PLA2G4C: variants seen among roughly 807,000 people sequenced by gnomAD.
PLA2G4C encodes cytosolic phospholipase A2 gamma.
PLA2G4C carries 64 observed loss-of-function variants against 73.8 expected under a neutral mutation model. The ratio of observed to expected loss-of-function variants is 0.87; its 90% CI spans 0.71 to 1.07. The LOEUF (loss-of-function observed/expected upper bound fraction) is 1.07. Ranked by LOEUF, PLA2G4C falls within the 50% of genes least tolerant of loss-of-function variation. The pLI is 0.00. For missense variants in PLA2G4C, 622 were observed against 665.4 expected (o/e 0.93, Z 0.72); for synonymous variants, 254 against 252.1 (o/e 1.01, Z -0.07).
At position 48,104,725 on chromosome 19, in the gene PLA2G4C, C is replaced by T. The variant is rs779079659; in HGVS notation, c.121-1G>A. ...AGCCCAGCACAGCAACAACTGGGGCCTAGGCATTGGGGAGAAAATCGATCA... is the reference window on the plus strand; with the variant it reads ...AGCCCAGCACAGCAACAACTGGGGCTTAGGCATTGGGGAGAAAATCGATCA... On this transcript the variant is annotated splice_acceptor_variant, in intron 3 of 16. Transcript: ENST00000599921. LOFTEE classifies it high-confidence loss of function. 8.7e-6 allele frequency: 14 copies of T among 1,613,794 alleles called. No individual in the cohort carries two copies. The highest frequency in any genetic ancestry group is 1.3e-5 in the African/African-American group (1 of 74,888).
intron 14 of PLA2G4C, among the ~76,000 whole-genome samples, chr19:48,060,634 C>T (rs1464494856): frequency 6.6e-6 from 1 of 152,120 alleles, no homozygotes; most frequent in Non-Finnish European, 1.5e-5. Flanking sequence ...CGCTCGGGGT[C>T]ATGCAGCAGA....
At chr19:48,107,452 A>G (rs1393195562) in intron 1 of PLA2G4C, among the ~76,000 whole-genome samples, 1 of 149,692 alleles carries the variant, frequency 6.7e-6, no homozygotes, top group Non-Finnish European at 1.5e-5. Context: ...TGAGGTCAAG[A>G]GTGACCAGAA....
intron 11 of PLA2G4C, among the ~76,000 whole-genome samples, chr19:48,077,113 G>A (rs1379581762): frequency 6.6e-6 from 1 of 152,140 alleles, no homozygotes; most frequent in African/African-American, 2.4e-5. Context: ...GCCTCAGGCT[G>A]TTCCCATTTT....
chr19:48,070,085 T>C (rs1251468557), intron 12 of PLA2G4C, among the ~76,000 whole-genome samples: 1 of 152,156 alleles, frequency 6.6e-6, no homozygotes, highest in Non-Finnish European at 1.5e-5. Flanking sequence ...GCAAGTTACT[T>C]AACATCTCTG....
chr19:48,073,200 C>T (rs961253747), intron 12 of PLA2G4C: 3 of 152,494 alleles, frequency 2.0e-5, no homozygotes, highest in Non-Finnish European at 4.4e-5. Context: ...AACGCACTAC[C>T]ATGTCCAGCT....
chr19:48,087,276 C>T (rs2031033989), intron 9 of PLA2G4C, among the ~76,000 whole-genome samples: 1 of 152,242 alleles, frequency 6.6e-6, no homozygotes, highest in Admixed American at 6.5e-5. Flanking sequence ...AACCATCAGA[C>T]AGCCCTGGTG....
At chr19:48,054,261 G>A (rs996258221) in intron 15 of PLA2G4C, among the ~76,000 whole-genome samples, 3 of 152,130 alleles carry the variant, frequency 2.0e-5, no homozygotes, top group Non-Finnish European at 4.4e-5. Flanking sequence ...CCCTCATGCT[G>A]TTCTCGTGAC....
At chr19:48,064,749 G>C (rs775960978) in intron 13 of PLA2G4C, 2 of 152,104 alleles carry the variant, frequency 1.3e-5, no homozygotes, top group African/African-American at 2.4e-5. Flanking sequence ...CATTCCAATA[G>C]AATGACTAGT....
Position 48,110,554 on chromosome 19 carries a change from C to G in PLA2G4C, c.-100G>C, listed in dbSNP as rs556839787. 2.0e-6 allele frequency: 3 copies of G among 1,489,874 alleles called. No individual in the cohort carries two copies. The South Asian group carries it at 3.7e-5, about 19-fold the overall frequency. The allele number at this position is 1,489,874 out of a possible 1,614,324, so 92.3% of individuals were successfully genotyped here. On this transcript the variant is annotated 5_prime_UTR_variant, in exon 1 of 17. Transcript: ENST00000599921. ...TGTGCTCCGGAATCCGGTGCGGAGG[C>G]TTGGGCTCCCTGCGCTTAGCGGTGT...
At chr19:48,049,901 C>T (rs372246563) in intron 16 of PLA2G4C, among the ~76,000 whole-genome samples, 3 of 152,122 alleles carry the variant, frequency 2.0e-5, no homozygotes, top group African/African-American at 7.2e-5. Context: ...CAATAAGTGT[C>T]GGTTGTTTAA....
intron 15 of PLA2G4C, among the ~76,000 whole-genome samples, chr19:48,053,848 G>A (rs1967823954): frequency 1.3e-5 from 2 of 152,166 alleles, no homozygotes; most frequent in Admixed American, 1.3e-4. Flanking sequence ...GCCCACTGTG[G>A]GAAGTGGCAC....
At chr19:48,092,669 C>T (rs1257633754) in intron 7 of PLA2G4C, among the ~76,000 whole-genome samples, 1 of 152,166 alleles carries the variant, frequency 6.6e-6, no homozygotes, top group Non-Finnish European at 1.5e-5. Flanking sequence ...AAGACAAGCA[C>T]TGCATGATTC....
At chr19:48,075,168 T>TTATA (rs2030058441) in intron 11 of PLA2G4C, among the ~76,000 whole-genome samples, 1 of 149,298 alleles carries the variant, frequency 6.7e-6, no homozygotes, top group African/African-American at 2.5e-5. Context: ...ATTTATTTAT[T>TTATA]TATTTATTTA....
At chr19:48,094,780 T>G (rs897947794) in intron 7 of PLA2G4C, among the ~76,000 whole-genome samples, 1 of 152,242 alleles carries the variant, frequency 6.6e-6, no homozygotes, top group African/African-American at 2.4e-5. Context: ...GTTTTGTTTT[T>G]GGTTTTTGTT....
intron 7 of PLA2G4C, among the ~76,000 whole-genome samples, chr19:48,093,747 A>C (rs970774365): frequency 2.6e-5 from 4 of 152,018 alleles, no homozygotes; most frequent in African/African-American, 7.2e-5. Context: ...TCCCCACCCA[A>C]ATCTCTCGAG....
At chr19:48,093,318 T>C (rs2031405076) in intron 7 of PLA2G4C, among the ~76,000 whole-genome samples, 1 of 152,130 alleles carries the variant, frequency 6.6e-6, no homozygotes, top group Non-Finnish European at 1.5e-5. Flanking sequence ...TCTTCATCCA[T>C]CTCCAGGTTT....
intron 4 of PLA2G4C, chr19:48,104,298 T>TG (rs1168562695): frequency 3.1e-6 from 1 of 326,976 alleles, no homozygotes; most frequent in African/African-American, 2.2e-5. Context: ...GCGGAAGCTG[T>TG]GGGAAACCCC....
chr19:48,105,928 TCCCTCCC>T lies in PLA2G4C; in HGVS notation c.9-491_9-485del, dbSNP rs1568457489. Among the ~76,000 whole-genome samples the T allele has an allele frequency of 2.2e-3, 59 of 26,272 alleles. 7 individuals are homozygous for T. The highest frequency in any genetic ancestry group is 4.4e-3 in the African/African-American group (16 of 3,638). 17.2% of individuals were successfully genotyped at this position (26,272 alleles called of 152,430 possible). Reference sequence around the variant, plus strand: ...CTCCCTCCCTCCCTCCCTCCCTCCCTCCCTCCCTCCCTCCCTCCCTTCTTTCTTTCTT... The same window carrying T: ...CTCCCTCCCTCCCTCCCTCCCTCCCTTCCCTCCCTCCCTTCTTTCTTTCTT... On this transcript the variant is annotated intron_variant, in intron 2 of 16. Coordinates refer to ENST00000599921, the MANE Select transcript of PLA2G4C (RefSeq NM_003706.3).
chr19:48,090,302 CT>C, intron 8 of PLA2G4C, 61 bp downstream of exon 8: 3 of 1,155,900 alleles, frequency 2.6e-6, no homozygotes, highest in Non-Finnish European at 3.9e-6. Flanking sequence ...AGGAAAAGTA[CT>C]GTGAATCTCC....
Sources: allele counts gnomAD v4.1 joint callset (sites outside exome capture counted in the v4.1 genomes callset), GRCh38; gene constraint gnomAD v4.1.1; transcripts MANE v1.5; gene names NCBI Gene and HGNC (gene_info 2026-07-23, HGNC 2026-07-21).